The following GALNT13 variants were observed in gnomAD, a reference collection of about 807,000 sequenced individuals.
GALNT13 encodes the protein polypeptide N-acetylgalactosaminyltransferase 13.
A neutral mutation model predicts 64.2 loss-of-function variants in GALNT13; 28 were observed. The observed-to-expected ratio is 0.44, with a 90% CI of 0.32 to 0.60. The LOEUF (loss-of-function observed/expected upper bound fraction) is 0.60, where lower values mean the gene tolerates loss of function less well. Ranked by LOEUF, GALNT13 falls within the 20% of genes least tolerant of loss-of-function variation. GALNT13 has a pLI of 0.05. For synonymous variants in GALNT13, 214 were observed against 224.6 expected, an observed-to-expected ratio of 0.95 and a Z score of 0.42; for missense variants, 577 against 669.8, an observed-to-expected ratio of 0.86 and a Z score of 1.53.
the GALNT13 span, among the ~76,000 whole-genome samples, chr2:153,640,453 G>A: frequency 6.6e-6 from 1 of 152,112 alleles, no homozygotes; most frequent in Non-Finnish European, 1.5e-5. Context: ...TCAATGAGGA[G>A]ACTAGCGTCA....
chr2:153,834,130 A>G, the GALNT13 span, among the ~76,000 whole-genome samples: 3 of 152,088 alleles, frequency 2.0e-5, no homozygotes, highest in African/African-American at 4.8e-5. Context: ...TACCACTTGT[A>G]GCTGTTTTTA....
At chr2:153,827,348 G>T in the GALNT13 span, among the ~76,000 whole-genome samples, 1 of 152,146 alleles carries the variant, frequency 6.6e-6, no homozygotes. Context: ...TGGAGGCTGG[G>T]CACAGTGGCT....
At chr2:153,183,782 C>T in the GALNT13 span, among the ~76,000 whole-genome samples, 1 of 152,120 alleles carries the variant, frequency 6.6e-6, no homozygotes, top group South Asian at 2.1e-4. Flanking sequence ...TGGTTCTGGG[C>T]ATGTGGTCTT....
intron 2 of GALNT13, among the ~76,000 whole-genome samples, chr2:153,903,939 G>A (rs575678339): frequency 3.9e-5 from 6 of 151,954 alleles, no homozygotes; most frequent in African/African-American, 7.2e-5. Context: ...TCAGTTTCCC[G>A]TGGATGACAT....
At chr2:153,361,871 G>T in the GALNT13 span, among the ~76,000 whole-genome samples, 2 of 152,048 alleles carry the variant, frequency 1.3e-5, no homozygotes, top group Non-Finnish European at 2.9e-5. Context: ...GAAATACAGA[G>T]AACACCACTA....
the GALNT13 span, among the ~76,000 whole-genome samples, chr2:153,797,508 C>T: frequency 2.6e-5 from 4 of 152,126 alleles, no homozygotes; most frequent in Admixed American, 2.6e-4. Flanking sequence ...TGTTTAATCT[C>T]AAGGGATCCC....
chr2:154,389,604 A>G (rs1401017512), intron 9 of GALNT13, among the ~76,000 whole-genome samples: 2 of 152,174 alleles, frequency 1.3e-5, no homozygotes, highest in Non-Finnish European at 2.9e-5. Context: ...CTATTAGGGG[A>G]AGAATTTAAC....
chr2:153,211,478 T>A, the GALNT13 span, among the ~76,000 whole-genome samples: 1 of 152,182 alleles, frequency 6.6e-6, no homozygotes, highest in Admixed American at 6.5e-5. Flanking sequence ...ATGCAACATT[T>A]TTTTCTATGG....
the GALNT13 span, among the ~76,000 whole-genome samples, chr2:153,119,143 G>A: frequency 6.6e-6 from 1 of 152,128 alleles, no homozygotes; most frequent in Non-Finnish European, 1.5e-5. Context: ...CTCCAGTCAT[G>A]CTGAATTGTG....
chr2:153,175,992 A>G, the GALNT13 span, among the ~76,000 whole-genome samples: 5 of 152,202 alleles, frequency 3.3e-5, no homozygotes, highest in Non-Finnish European at 7.4e-5. Context: ...TGAGGAGGCA[A>G]TGTCCTATGG....
chr2:154,018,502 T>C (rs1697180910), intron 3 of GALNT13, among the ~76,000 whole-genome samples: 1 of 151,990 alleles, frequency 6.6e-6, no homozygotes, highest in African/African-American at 2.4e-5. Context: ...TTTTATTAGC[T>C]TGTGTGTATA....
At chr2:154,286,302 A>G (rs952843771) in intron 8 of GALNT13, among the ~76,000 whole-genome samples, 4 of 152,196 alleles carry the variant, frequency 2.6e-5, no homozygotes, top group Admixed American at 2.6e-4. Flanking sequence ...GTCTGATATT[A>G]GCTGTGGCCT....
At chr2:154,321,212 C>A (rs892095392) in intron 9 of GALNT13, among the ~76,000 whole-genome samples, 9 of 152,014 alleles carry the variant, frequency 5.9e-5, no homozygotes, top group Admixed American at 6.6e-5. Context: ...CAGGGGTCAG[C>A]CTGGCTACAT....
chr2:154,354,508 T>TC (rs1159866812), intron 9 of GALNT13, among the ~76,000 whole-genome samples: 1 of 148,636 alleles, frequency 6.7e-6, no homozygotes, highest in Non-Finnish European at 1.5e-5. Flanking sequence ...TGTCAGTTTT[T>TC]CCTCTACGTT....
At chr2:153,391,456 T>G in the GALNT13 span, among the ~76,000 whole-genome samples, 1 of 152,108 alleles carries the variant, frequency 6.6e-6, no homozygotes, top group Non-Finnish European at 1.5e-5. Context: ...ACTAACCACT[T>G]GTAAAGACAT....
intron 10 of GALNT13, among the ~76,000 whole-genome samples, chr2:154,402,577 A>T (rs1699347058): frequency 6.6e-6 from 1 of 152,234 alleles, no homozygotes; most frequent in Non-Finnish European, 1.5e-5. Flanking sequence ...CATATGTAAC[A>T]TATGAATGAG....
chr2:153,701,774 A>G, the GALNT13 span, among the ~76,000 whole-genome samples: 1 of 152,344 alleles, frequency 6.6e-6, no homozygotes, highest in East Asian at 1.9e-4. Flanking sequence ...TCAAAACCAC[A>G]GTGAGATACC....
the GALNT13 span, among the ~76,000 whole-genome samples, chr2:153,230,704 A>G: frequency 1.1e-4 from 16 of 152,268 alleles, no homozygotes; most frequent in African/African-American, 3.9e-4. Context: ...TTAAGAATCT[A>G]TATCTTCATC....
In GALNT13 at chr2:154,325,797, T is replaced by A. The variant is rs190183038; in HGVS notation, c.1156+24208T>A. On this transcript the variant is annotated intron_variant, in intron 9 of 12. Transcript: ENST00000392825. ...ATAATCAAGCATGTATTTCATTTTT[T>A]AATTTTACTCTTTCAATATGGTATA... is the stretch of plus-strand genomic sequence containing the variant. Among the ~76,000 whole-genome samples, 409 of 152,230 alleles carry A rather than the reference T, an allele frequency of 2.7e-3. 1 individual carries two copies. Among genetic ancestry groups the A allele is most frequent in the Admixed American group, 4.3e-3 (66 of 15,262 alleles).
Sources: allele counts gnomAD v4.1 joint callset (sites outside exome capture counted in the v4.1 genomes callset), GRCh38; gene constraint gnomAD v4.1.1; transcripts MANE v1.5; gene names NCBI Gene and HGNC (gene_info 2026-07-23, HGNC 2026-07-21).